NCKAP5: variants seen among roughly 807,000 people sequenced by gnomAD.
NCKAP5 encodes nck-associated protein 5.
A neutral mutation model predicts 167.0 loss-of-function variants in NCKAP5; 92 were observed. The observed-to-expected ratio is 0.55, with a 90% CI of 0.47 to 0.66. The LOEUF (loss-of-function observed/expected upper bound fraction) is 0.66, where lower values mean the gene tolerates loss of function less well. Ranked by LOEUF, NCKAP5 falls within the 30% of genes least tolerant of loss-of-function variation. The probability of loss-of-function intolerance (pLI) is 0.00; values close to 1 mark genes in which losing one functional copy is unlikely to be tolerated. For synonymous variants in NCKAP5, 891 were observed against 877.4 expected (o/e 1.02, Z -0.27); for missense variants, 2,378 against 2,315.0 (o/e 1.03, Z -0.56).
At chr2:132,940,378 C>T (rs1170819096) in intron 8 of NCKAP5, among the ~76,000 whole-genome samples, 4 of 152,136 alleles carry the variant, frequency 2.6e-5, no homozygotes, top group Non-Finnish European at 5.9e-5. Context: ...ACACTGGGCC[C>T]TAGCTGTGAT....
chr2:133,531,253 TTAA>T (rs1264045634), intron 2 of NCKAP5, among the ~76,000 whole-genome samples: 2 of 152,126 alleles, frequency 1.3e-5, no homozygotes, highest in African/African-American at 4.8e-5. Context: ...AACTTATTTA[TTAA>T]TAGTTATTGC....
At chr2:132,855,557 C>T (rs1574430725) in intron 11 of NCKAP5, among the ~76,000 whole-genome samples, 2 of 152,208 alleles carry the variant, frequency 1.3e-5, no homozygotes, top group African/African-American at 4.8e-5. Flanking sequence ...ATCCCAACAG[C>T]GTGGGAAGCC....
chr2:133,373,311 G>A lies in NCKAP5; in HGVS notation c.70-70201C>T, dbSNP rs12328422. 6.2e-3 allele frequency among the ~76,000 whole-genome samples: 936 copies of A among 152,078 alleles called. 4 individuals are homozygous for A. Among genetic ancestry groups the A allele is most frequent in the Non-Finnish European group, 8.7e-3 (591 of 68,006 alleles). ...AGGCCTCAAGTGATCCACCCACCTCGGCCTCCCAAAGTGCTGGGATTATAG... is the reference window on the plus strand; with the variant it reads ...AGGCCTCAAGTGATCCACCCACCTCAGCCTCCCAAAGTGCTGGGATTATAG... On this transcript the variant is annotated intron_variant, in intron 3 of 19. Transcript: ENST00000409261.
chr2:133,380,316 C>G (rs1192999769), intron 3 of NCKAP5, among the ~76,000 whole-genome samples: 2 of 151,922 alleles, frequency 1.3e-5, no homozygotes, highest in African/African-American at 4.8e-5. Flanking sequence ...CATTTTTTTA[C>G]AGTGAGCAAT....
intron 8 of NCKAP5, among the ~76,000 whole-genome samples, chr2:132,935,573 A>C (rs1425061819): frequency 3.3e-5 from 5 of 152,022 alleles, no homozygotes; most frequent in Admixed American, 3.3e-4. Flanking sequence ...CGGTATGTTC[A>C]GGGGCGAGTC....
At chr2:132,834,590 C>T (rs543732348) in intron 11 of NCKAP5, among the ~76,000 whole-genome samples, 9 of 152,242 alleles carry the variant, frequency 5.9e-5, no homozygotes, top group East Asian at 1.9e-4. Context: ...TGTGATCTAC[C>T]GACCTCGGCC....
At chr2:133,638,223 CTT>C in the NCKAP5 span, among the ~76,000 whole-genome samples, 1 of 152,004 alleles carries the variant, frequency 6.6e-6, no homozygotes, top group Non-Finnish European at 1.5e-5. Context: ...AGCAAAGAAA[CTT>C]TTAAATAGAC....
chr2:133,462,396 G>C (rs1035989992), intron 3 of NCKAP5, among the ~76,000 whole-genome samples: 1 of 152,110 alleles, frequency 6.6e-6, no homozygotes, highest in African/African-American at 2.4e-5. Context: ...CCTTGTTTTT[G>C]TGCCGGCTTC....
intron 4 of NCKAP5, among the ~76,000 whole-genome samples, chr2:133,252,736 G>C (rs2088412105): frequency 6.6e-6 from 1 of 152,266 alleles, no homozygotes. Context: ...AAGACAAATG[G>C]AGAAAGCTTT....
At chr2:132,694,882 G>A (rs9287423) in intron 19 of NCKAP5, among the ~76,000 whole-genome samples, 34,987 of 152,162 alleles carry the variant, frequency 0.23, 4,964 homozygotes, top group Non-Finnish European at 0.32. Context: ...CATGGACCTT[G>A]TCTTAATCCA....
chr2:133,196,653 C>G (rs182448437), intron 5 of NCKAP5, among the ~76,000 whole-genome samples: 1 of 152,260 alleles, frequency 6.6e-6, no homozygotes, highest in Non-Finnish European at 1.5e-5. Context: ...AGCAGTGAGC[C>G]TACCATTTTT....
At chr2:132,816,216 G>T (rs1686256541) in intron 11 of NCKAP5, among the ~76,000 whole-genome samples, 1 of 152,092 alleles carries the variant, frequency 6.6e-6, no homozygotes. Context: ...TTTAGGATCT[G>T]GGGCACAATT....
At chr2:133,423,845 T>C (rs1689628495) in intron 3 of NCKAP5, among the ~76,000 whole-genome samples, 1 of 152,226 alleles carries the variant, frequency 6.6e-6, no homozygotes, top group African/African-American at 2.4e-5. Context: ...ATGAATTCTA[T>C]TTATCTCTTG....
At chr2:133,032,718 A>G (rs182521299) in intron 6 of NCKAP5, among the ~76,000 whole-genome samples, 159 of 152,330 alleles carry the variant, frequency 1.0e-3, no homozygotes, top group Non-Finnish European at 1.7e-3. Context: ...TGCTATAAAA[A>G]AACCTGAGAC....
intron 8 of NCKAP5, among the ~76,000 whole-genome samples, chr2:132,882,059 C>T (rs936191730): frequency 2.0e-5 from 3 of 152,156 alleles, no homozygotes; most frequent in Admixed American, 2.0e-4. Flanking sequence ...ATGTTCAAAT[C>T]ACTCCAGCTT....
chr2:132,682,051 T>C (rs113790238), intron 19 of NCKAP5, among the ~76,000 whole-genome samples: 2,739 of 152,350 alleles, frequency 0.018, 71 homozygotes, highest in African/African-American at 0.061. Context: ...ATTTGACATA[T>C]TGAATCCTGA....
At chr2:133,193,047 T>C (rs1017552816) in intron 5 of NCKAP5, among the ~76,000 whole-genome samples, 1 of 152,124 alleles carries the variant, frequency 6.6e-6, no homozygotes, top group African/African-American at 2.4e-5. Flanking sequence ...ATCCATATCA[T>C]GGAATAGTAT....
At chr2:133,414,536 T>C (rs1272202744) in intron 3 of NCKAP5, among the ~76,000 whole-genome samples, 1 of 152,124 alleles carries the variant, frequency 6.6e-6, no homozygotes, top group Non-Finnish European at 1.5e-5. Context: ...AAAAAGCAAC[T>C]CACATTACTC....
At chr2:133,418,836 A>T (rs1574920847) in intron 3 of NCKAP5, among the ~76,000 whole-genome samples, 1 of 152,328 alleles carries the variant, frequency 6.6e-6, no homozygotes, top group Non-Finnish European at 1.5e-5. Context: ...ACAAATAAAT[A>T]AACCTCAGTG....
Sources: allele counts gnomAD v4.1 joint callset (sites outside exome capture counted in the v4.1 genomes callset), GRCh38; gene constraint gnomAD v4.1.1; transcripts MANE v1.5; gene names NCBI Gene and HGNC (gene_info 2026-07-23, HGNC 2026-07-21).